GRID1: variants seen among roughly 807,000 people sequenced by gnomAD.
GRID1 encodes glutamate ionotropic receptor delta type subunit 1.
GRID1 carries 28 observed loss-of-function variants against 98.0 expected under a neutral mutation model. The observed-to-expected ratio is 0.29, with a 90% CI of 0.21 to 0.39. The LOEUF is 0.39. Ranked by LOEUF, GRID1 falls within the 10% of genes least tolerant of loss-of-function variation. GRID1 has a pLI of 1.00. For synonymous variants in GRID1, 553 were observed against 538.5 expected (o/e 1.03, Z -0.37); for missense variants, 1,111 against 1,340.5 (o/e 0.83, Z 2.67).
chr10:86,177,078 C>A (rs959254134), intron 3 of GRID1, among the ~76,000 whole-genome samples: 1 of 151,892 alleles, frequency 6.6e-6, no homozygotes, highest in African/African-American at 2.4e-5. Flanking sequence ...TCGCCCCCAC[C>A]CCCTACAGCA....
At chr10:85,951,640 G>A (rs1265572023) in intron 4 of GRID1, among the ~76,000 whole-genome samples, 1 of 152,182 alleles carries the variant, frequency 6.6e-6, no homozygotes, top group Non-Finnish European at 1.5e-5. Context: ...CTAGTAACAT[G>A]TCTTATTTTC....
At chr10:86,019,429 T>A (rs1843020998) in intron 4 of GRID1, among the ~76,000 whole-genome samples, 2 of 152,226 alleles carry the variant, frequency 1.3e-5, no homozygotes, top group South Asian at 4.1e-4. Flanking sequence ...AGAGGGCTCC[T>A]GGGGACTGGA....
At chr10:85,948,340 G>A (rs553369026) in intron 4 of GRID1, among the ~76,000 whole-genome samples, 55 of 152,352 alleles carry the variant, frequency 3.6e-4, no homozygotes, top group Admixed American at 7.2e-4. Flanking sequence ...GGAAGAGGAA[G>A]ATGAGGATGA....
chr10:85,806,671 A>G lies in GRID1; in HGVS notation c.1233+47825T>C, dbSNP rs540722122. ...ACAACGTGGAAAACTCAAAAACATT[A>G]GGCTAATTAAAAGAAAATTGATATA... On this transcript the variant is annotated intron_variant, in intron 8 of 15. Coordinates refer to ENST00000327946, the MANE Select transcript of GRID1 (RefSeq NM_017551.3). 3.6e-4 allele frequency among the ~76,000 whole-genome samples: 55 copies of G among 152,348 alleles called. 1 individual carries two copies. The highest frequency in any genetic ancestry group is 1.3e-3 in the African/African-American group (53 of 41,592).
chr10:85,691,515 C>G (rs754358835), intron 12 of GRID1, among the ~76,000 whole-genome samples: 3 of 152,176 alleles, frequency 2.0e-5, no homozygotes, highest in Non-Finnish European at 2.9e-5. Context: ...GATTAGACCA[C>G]TCACACTGCA....
At chr10:85,622,575 T>C (rs1197683088) in intron 13 of GRID1, among the ~76,000 whole-genome samples, 3 of 152,098 alleles carry the variant, frequency 2.0e-5, no homozygotes, top group Non-Finnish European at 4.4e-5. Context: ...TGAGGAAGCA[T>C]GTGGCTGGAT....
rs1306631756 is a variant in GRID1 at position 86,366,454 on chromosome 10, G to C, written c.-62C>G. ...GGCGAGGCCGAGGGCAGCGCGAAGC[G>C]GGGAGGCGCTGGTCCCGGTGCAGTC... On this transcript the variant is annotated 5_prime_UTR_variant, in exon 1 of 16. Coordinates refer to ENST00000327946, the MANE Select transcript of GRID1 (RefSeq NM_017551.3). The surrounding 1 kb of genome is among the most constrained non-coding windows in gnomAD (Gnocchi z 4.1). The C allele has an allele frequency of 3.2e-6, 4 of 1,251,526 alleles. No individual in the cohort carries two copies. Among genetic ancestry groups the C allele is most frequent in the African/African-American group, 1.6e-5 (1 of 62,782 alleles). The allele number at this position is 1,251,526 out of a possible 1,614,324, so 77.5% of individuals were successfully genotyped here.
chr10:85,674,529 A>G (rs894406771), intron 12 of GRID1, among the ~76,000 whole-genome samples: 1 of 152,202 alleles, frequency 6.6e-6, no homozygotes, highest in African/African-American at 2.4e-5. Context: ...ACATTGATTG[A>G]TCAAGATGAC....
At chr10:86,037,131 A>G (rs1456506806) in intron 4 of GRID1, among the ~76,000 whole-genome samples, 1 of 152,234 alleles carries the variant, frequency 6.6e-6, no homozygotes, top group East Asian at 1.9e-4. Context: ...CGAGGTAGCT[A>G]GAAATATCAT....
intron 12 of GRID1, among the ~76,000 whole-genome samples, chr10:85,685,123 A>G (rs1315899589): frequency 6.6e-6 from 1 of 152,358 alleles, no homozygotes; most frequent in South Asian, 2.1e-4. Flanking sequence ...AAAATGCTAA[A>G]GATTGTAACA....
intron 12 of GRID1, among the ~76,000 whole-genome samples, chr10:85,670,859 T>C (rs1345498491): frequency 6.6e-6 from 1 of 152,220 alleles, no homozygotes; most frequent in Admixed American, 6.5e-5. Context: ...CCTATGTGCA[T>C]CCAGTCATAG....
At chr10:85,737,573 A>G (rs1841895636) in intron 8 of GRID1, among the ~76,000 whole-genome samples, 1 of 150,160 alleles carries the variant, frequency 6.7e-6, no homozygotes, top group Non-Finnish European at 1.5e-5. Context: ...GGATGGAGGC[A>G]GGCAGTTCCA....
intron 2 of GRID1, among the ~76,000 whole-genome samples, chr10:86,270,742 T>C (rs1041992799): frequency 6.6e-6 from 1 of 151,776 alleles, no homozygotes; most frequent in Admixed American, 6.6e-5. Context: ...CTAACCCAGC[T>C]AAAGTAAGAG....
chr10:85,599,802 A>AAATATATATATATATATATATAT lies in GRID1; in HGVS notation c.*2470_*2471insATATATATATATATATATATATT. On this transcript the variant is annotated 3_prime_UTR_variant, in exon 16 of 16. Coordinates refer to ENST00000327946, the MANE Select transcript of GRID1 (RefSeq NM_017551.3). ...GTAGAAAATTCTAAAAAAAAAAAAA[A>AAATATATATATATATATATATAT]ATATATATATATATATATAAACATG... 1 of 64,982 alleles carries AAATATATATATATATATATATAT rather than the reference A, an allele frequency of 1.5e-5. No homozygotes were observed. Among genetic ancestry groups the AAATATATATATATATATATATAT allele is most frequent in the Admixed American group, 1.7e-4 (1 of 5,846 alleles). The allele number at this position is 64,982 out of a possible 1,614,324, so 4.0% of individuals were successfully genotyped here.
intron 8 of GRID1, among the ~76,000 whole-genome samples, chr10:85,845,013 A>T (rs1842993457): frequency 6.6e-6 from 1 of 151,970 alleles, no homozygotes; most frequent in South Asian, 2.1e-4. Flanking sequence ...ATTATAAATT[A>T]TCTTCTGATA....
At chr10:85,848,326 T>C (rs1463838097) in intron 8 of GRID1, among the ~76,000 whole-genome samples, 1 of 152,142 alleles carries the variant, frequency 6.6e-6, no homozygotes, top group Non-Finnish European at 1.5e-5. Context: ...ATAATTAAAA[T>C]TGTATGTATT....
chr10:86,351,096 C>A (rs1182961443), intron 2 of GRID1, among the ~76,000 whole-genome samples: 1 of 152,226 alleles, frequency 6.6e-6, no homozygotes, highest in Non-Finnish European at 1.5e-5. Flanking sequence ...CAGATGCTGC[C>A]AAGCTCACTG....
intron 4 of GRID1, among the ~76,000 whole-genome samples, chr10:85,995,000 A>G (rs1449190620): frequency 1.3e-5 from 2 of 152,226 alleles, no homozygotes; most frequent in Non-Finnish European, 2.9e-5. Flanking sequence ...TCACATGCTT[A>G]CTATAAATGT....
At chr10:85,704,020 T>A (rs533822407) in intron 12 of GRID1, among the ~76,000 whole-genome samples, 1 of 152,258 alleles carries the variant, frequency 6.6e-6, no homozygotes, top group South Asian at 2.1e-4. Flanking sequence ...AAATTCTGGG[T>A]TGAAAATTAT....
Sources: gnomAD v4.1 joint callset for allele counts (sites outside exome capture counted in the v4.1 genomes callset) on GRCh38, gnomAD v4.1.1 for gene constraint, Gnocchi (gnomAD v3.1) non-coding constraint, MANE v1.5 for transcripts, NCBI Gene and HGNC (gene_info 2026-07-23, HGNC 2026-07-21) for gene names.